Variants in BMERB1 observed in about 807,000 individuals in gnomAD.
BMERB1 encodes bMERB domain containing 1, also known as bMERB domain-containing protein 1.
In BMERB1, 12 loss-of-function variants were observed where a neutral mutation model predicts 23.6. The ratio of observed to expected loss-of-function variants is 0.51; its 90% CI spans 0.33 to 0.82. The LOEUF is 0.82. BMERB1 is among the 40% of genes least tolerant of loss of function. The pLI, the probability that BMERB1 is intolerant of heterozygous loss-of-function variation, is 0.03. For missense variants in BMERB1, 247 were observed against 255.4 expected (o/e 0.97, Z 0.22); for synonymous variants, 122 against 96.6 (o/e 1.26, Z -1.54).
chr16:15,487,675 T>G (rs1000593799), intron 1 of BMERB1, among the ~76,000 whole-genome samples: 3 of 152,232 alleles, frequency 2.0e-5, no homozygotes. Flanking sequence ...CAACTCATAA[T>G]GCTTAACAGT....
chr16:15,567,028 G>A (rs9937500), intron 2 of BMERB1, among the ~76,000 whole-genome samples: 3,401 of 151,728 alleles, frequency 0.022, 130 homozygotes, highest in South Asian at 0.088. Context: ...ACAAAAAACT[G>A]TTTAAAAATT....
At chr16:15,435,389 C>A (rs889794319) in intron 1 of BMERB1, among the ~76,000 whole-genome samples, 11 of 152,176 alleles carry the variant, frequency 7.2e-5, no homozygotes, top group African/African-American at 2.7e-4. Flanking sequence ...CGAAATAGAC[C>A]GGCTGTATTT....
intron 2 of BMERB1, among the ~76,000 whole-genome samples, chr16:15,565,304 G>A (rs1181292144): frequency 1.3e-5 from 2 of 152,170 alleles, no homozygotes; most frequent in Admixed American, 1.3e-4. Context: ...TTCCGCATGA[G>A]TAAAATGAAA....
At chr16:15,471,610 T>A (rs2051229511) in intron 1 of BMERB1, among the ~76,000 whole-genome samples, 1 of 152,186 alleles carries the variant, frequency 6.6e-6, no homozygotes, top group Admixed American at 6.5e-5. Context: ...TCTCTCACTC[T>A]CTCTCTCTGT....
chr16:15,456,880 C>T (rs2051091468), intron 1 of BMERB1, among the ~76,000 whole-genome samples: 1 of 152,030 alleles, frequency 6.6e-6, no homozygotes, highest in Non-Finnish European at 1.5e-5. Flanking sequence ...GGTTGGAGTG[C>T]AATGGCGCAA....
chr16:15,542,904 A>C (rs762227845), intron 2 of BMERB1, among the ~76,000 whole-genome samples: 2 of 152,184 alleles, frequency 1.3e-5, no homozygotes, highest in East Asian at 3.9e-4. Context: ...GGCAGCGTCT[A>C]GGGATGTGTT....
At chr16:15,448,707 G>C (rs188327491) in intron 1 of BMERB1, among the ~76,000 whole-genome samples, 3 of 152,152 alleles carry the variant, frequency 2.0e-5, no homozygotes, top group Non-Finnish European at 4.4e-5. Flanking sequence ...CATGAGAATC[G>C]CTTGAACCTG....
chr16:15,476,308 G>A (rs1043910116), intron 1 of BMERB1, among the ~76,000 whole-genome samples: 4 of 151,768 alleles, frequency 2.6e-5, no homozygotes, highest in African/African-American at 4.8e-5. Context: ...GGTTACTGGC[G>A]CCCACCACCA....
At chr16:15,576,408 G>A (rs989910597) in intron 3 of BMERB1, among the ~76,000 whole-genome samples, 1 of 152,110 alleles carries the variant, frequency 6.6e-6, no homozygotes, top group Non-Finnish European at 1.5e-5. Flanking sequence ...GTTAGGAACC[G>A]CCAGGCCTGT....
intron 1 of BMERB1, among the ~76,000 whole-genome samples, chr16:15,510,590 A>G (rs1797887625): frequency 6.6e-6 from 1 of 152,126 alleles, no homozygotes; most frequent in Admixed American, 6.5e-5. Flanking sequence ...CCAACTCCCC[A>G]AGGCCACACA....
intron 1 of BMERB1, among the ~76,000 whole-genome samples, chr16:15,510,497 C>A (rs547664118): frequency 6.6e-6 from 1 of 152,090 alleles, no homozygotes; most frequent in East Asian, 1.9e-4. Flanking sequence ...TTAAACGTGA[C>A]GTGCCGGGGT....
At position 15,444,123 on chromosome 16, in the gene BMERB1, GTTTTTTTTT is replaced by G. The variant is rs150793082; in HGVS notation, c.106+9383_106+9391del. Among the ~76,000 whole-genome samples the G allele has an allele frequency of 0.02, 710 of 35,642 alleles. 36 individuals are homozygous for G. In the South Asian group the frequency reaches 0.26, roughly 13 times the overall value. The allele number at this position is 35,642 out of a possible 152,430, so 23.4% of individuals were successfully genotyped here. ...AGGCCAGGGTCCAGGCACCAGCTTT[GTTTTTTTTT>G]TTTTTTTTTTTTTTTTTTGGCTGTT... On this transcript the variant is annotated intron_variant, in intron 1 of 5. Transcript: ENST00000300006.
chr16:15,508,075 T>A lies in BMERB1; in HGVS notation c.107-7230T>A, dbSNP rs545796998. The stretch of plus-strand genomic sequence containing the variant: ...GAGCTTTGGAGTAAGAGAGATCTTG[T>A]TTTAAATCTCACCTCCATCACTTAC... On this transcript the variant is annotated intron_variant, in intron 1 of 5. Transcript: ENST00000300006. 9.2e-5 allele frequency among the ~76,000 whole-genome samples: 14 copies of A among 152,294 alleles called. No homozygotes were observed. The South Asian group carries it at 2.3e-3, about 25-fold the overall frequency.
intron 1 of BMERB1, among the ~76,000 whole-genome samples, chr16:15,479,032 A>C (rs2051297060): frequency 6.6e-6 from 1 of 152,212 alleles, no homozygotes; most frequent in Non-Finnish European, 1.5e-5. Flanking sequence ...TGAAAGAAAT[A>C]CTGAGAAACT....
At chr16:15,572,323 T>C (rs1445517672) in intron 3 of BMERB1, among the ~76,000 whole-genome samples, 3 of 152,174 alleles carry the variant, frequency 2.0e-5, no homozygotes, top group South Asian at 2.1e-4. Flanking sequence ...GTAAGGGTAG[T>C]GTGCGCAATG....
At position 15,576,385 on chromosome 16, in the gene BMERB1, A is replaced by G. The variant is rs182171702; in HGVS notation, c.305-4832A>G. On this transcript the variant is annotated intron_variant, in intron 3 of 5. Transcript: ENST00000300006. ...TTTTAAAGCTTTGCACCTGATTGTG[A>G]TAAGCAGGGACGGTTAGGAACCGCC... 2.3e-4 allele frequency among the ~76,000 whole-genome samples: 35 copies of G among 152,168 alleles called. 1 individual carries two copies. The South Asian group carries it at 5.4e-3, about 23-fold the overall frequency.
intron 1 of BMERB1, among the ~76,000 whole-genome samples, chr16:15,465,806 A>G (rs1271892540): frequency 6.6e-6 from 1 of 152,166 alleles, no homozygotes; most frequent in East Asian, 1.9e-4. Context: ...TTACTGTATT[A>G]TGTGCATAGT....
At chr16:15,530,545 A>G (rs118020535) in intron 2 of BMERB1, among the ~76,000 whole-genome samples, 8,021 of 152,274 alleles carry the variant, frequency 0.053, 271 homozygotes, top group South Asian at 0.085. Context: ...AGAAGCTGGG[A>G]CCACAGGCAC....
chr16:15,581,434 C>A, intron 4 of BMERB1, 103 bp downstream of exon 4: 1 of 878,720 alleles, frequency 1.1e-6, no homozygotes, highest in Non-Finnish European at 1.7e-6. Flanking sequence ...CCTTGCCTAA[C>A]AGGCATGGCC....
Sources: gnomAD v4.1 joint callset for allele counts (sites outside exome capture counted in the v4.1 genomes callset) on GRCh38, gnomAD v4.1.1 for gene constraint, MANE v1.5 for transcripts, NCBI Gene and HGNC (gene_info 2026-07-23, HGNC 2026-07-21) for gene names.